Variants in ADAMTS12 observed in about 807,000 individuals in gnomAD.
The protein encoded by ADAMTS12 is ADAM metallopeptidase with thrombospondin type 1 motif 12.
A neutral mutation model predicts 167.8 loss-of-function variants in ADAMTS12; 118 were observed. The ratio of observed to expected loss-of-function variants is 0.70; its 90% CI spans 0.61 to 0.82. The LOEUF (loss-of-function observed/expected upper bound fraction) is 0.82. Among genes scored for constraint, ADAMTS12 ranks in the 40% least tolerant of loss-of-function variants. ADAMTS12 has a pLI of 0.00. For missense variants in ADAMTS12, 1,916 were observed against 1,998.8 expected, an observed-to-expected ratio of 0.96 and a Z score of 0.79; for synonymous variants, 704 against 716.9, an observed-to-expected ratio of 0.98 and a Z score of 0.29.
chr5:33,816,328 T>C (rs895367), intron 2 of ADAMTS12, among the ~76,000 whole-genome samples: 45,374 of 152,094 alleles, frequency 0.3, 6,930 homozygotes, highest in East Asian at 0.53. Context: ...TGATAATATT[T>C]TAAATGTACT....
chr5:33,721,960 C>T (rs1384663984), intron 3 of ADAMTS12, among the ~76,000 whole-genome samples: 1 of 152,198 alleles, frequency 6.6e-6, no homozygotes, highest in Non-Finnish European at 1.5e-5. Context: ...TATAAATAAG[C>T]AGCAGGATCG....
At chr5:33,535,406 T>C (rs915569353) in intron 22 of ADAMTS12, among the ~76,000 whole-genome samples, 1 of 152,100 alleles carries the variant, frequency 6.6e-6, no homozygotes, top group Non-Finnish European at 1.5e-5. Context: ...TCCTTGGGAA[T>C]TTGAATTGAG....
intron 2 of ADAMTS12, among the ~76,000 whole-genome samples, chr5:33,774,776 A>G (rs1309831369): frequency 6.6e-6 from 1 of 152,216 alleles, no homozygotes; most frequent in Middle Eastern, 3.2e-3. Flanking sequence ...CCTGTCTTTC[A>G]TTAACTGTTA....
intron 5 of ADAMTS12, among the ~76,000 whole-genome samples, chr5:33,675,520 A>C (rs545761961): frequency 1.3e-5 from 2 of 152,320 alleles, no homozygotes; most frequent in African/African-American, 4.8e-5. Flanking sequence ...TACTCTCAAA[A>C]TCTTTCTTGC....
chr5:33,627,686 T>C (rs112709209), intron 13 of ADAMTS12, among the ~76,000 whole-genome samples: 2 of 152,146 alleles, frequency 1.3e-5, no homozygotes, highest in African/African-American at 4.8e-5. Context: ...ATAATTTTAA[T>C]TTAGAAATGT....
At chr5:33,685,600 T>C (rs1375488076) in intron 3 of ADAMTS12, among the ~76,000 whole-genome samples, 1 of 152,214 alleles carries the variant, frequency 6.6e-6, no homozygotes, top group African/African-American at 2.4e-5. Flanking sequence ...CTAAATAAAT[T>C]CAAACTCTAG....
In ADAMTS12 at chr5:33,729,870, C is replaced by G. The variant is rs940421930; in HGVS notation, c.634+21534G>C. Among the ~76,000 whole-genome samples the G allele has an allele frequency of 2.6e-5, 4 of 152,196 alleles. 1 individual carries two copies. On this transcript the variant is annotated intron_variant, in intron 3 of 23. Coordinates refer to ENST00000504830, the MANE Select transcript of ADAMTS12 (RefSeq NM_030955.4). The stretch of plus-strand genomic sequence containing the variant: ...GCTTTAGAGCAAGAGGGTTGGAAAT[C>G]AATTTGTGTGTGGATTATGAATCAC...
intron 12 of ADAMTS12, among the ~76,000 whole-genome samples, chr5:33,635,715 T>C (rs927309134): frequency 3.3e-5 from 5 of 152,150 alleles, no homozygotes; most frequent in Non-Finnish European, 5.9e-5. Context: ...AAATGCTGCA[T>C]AAATCCTTGT....
At chr5:33,635,270 C>T (rs1451299166) in intron 12 of ADAMTS12, among the ~76,000 whole-genome samples, 1 of 152,128 alleles carries the variant, frequency 6.6e-6, no homozygotes, top group African/African-American at 2.4e-5. Flanking sequence ...GTTGGGTTTT[C>T]TAGCAGAGCT....
chr5:33,855,865 T>C (rs1404540068), intron 2 of ADAMTS12, among the ~76,000 whole-genome samples: 1 of 152,176 alleles, frequency 6.6e-6, no homozygotes, highest in Non-Finnish European at 1.5e-5. Flanking sequence ...TAGTTGGGAC[T>C]ATAGGCAAGC....
intron 20 of ADAMTS12, among the ~76,000 whole-genome samples, chr5:33,560,676 A>C (rs900665687): frequency 6.6e-6 from 1 of 150,992 alleles, no homozygotes; most frequent in African/African-American, 2.4e-5. Flanking sequence ...CAAGGAAAAA[A>C]ACCAAACACC....
intron 16 of ADAMTS12, among the ~76,000 whole-genome samples, chr5:33,604,981 C>T (rs1011174370): frequency 1.3e-5 from 2 of 152,206 alleles, no homozygotes; most frequent in Non-Finnish European, 2.9e-5. Context: ...TTTGATAGGG[C>T]ACTCTGATAA....
At chr5:33,578,334 G>T (rs978240327) in intron 18 of ADAMTS12, among the ~76,000 whole-genome samples, 1 of 152,156 alleles carries the variant, frequency 6.6e-6, no homozygotes, top group Non-Finnish European at 1.5e-5. Flanking sequence ...CACAAGTGAG[G>T]AGCCTGAGGC....
intron 3 of ADAMTS12, among the ~76,000 whole-genome samples, chr5:33,713,637 C>G (rs1346989080): frequency 6.6e-6 from 1 of 150,426 alleles, no homozygotes; most frequent in Non-Finnish European, 1.5e-5. Context: ...CAGGAGATGA[C>G]AAGAAAAAAA....
intron 23 of ADAMTS12, among the ~76,000 whole-genome samples, chr5:33,530,765 T>C (rs1242969794): frequency 1.1e-4 from 16 of 152,204 alleles, no homozygotes; most frequent in Admixed American, 1.0e-3. Flanking sequence ...TGACCTGCTC[T>C]GTAAATTGAG....
At chr5:33,849,389 A>AAT (rs1308725482) in intron 2 of ADAMTS12, among the ~76,000 whole-genome samples, 2 of 144,464 alleles carry the variant, frequency 1.4e-5, no homozygotes, top group Non-Finnish European at 3.0e-5. Flanking sequence ...ATTGCACAGC[A>AAT]ATATATATAT....
chr5:33,537,134 C>A (rs528371430), intron 22 of ADAMTS12, among the ~76,000 whole-genome samples: 39 of 152,260 alleles, frequency 2.6e-4, no homozygotes, highest in Admixed American at 2.1e-3. Context: ...AAATCTTGCT[C>A]AGAGGAGTGA....
At chr5:33,563,283 T>C (rs1745836557) in intron 19 of ADAMTS12, among the ~76,000 whole-genome samples, 1 of 152,216 alleles carries the variant, frequency 6.6e-6, no homozygotes, top group Admixed American at 6.5e-5. Flanking sequence ...CAAGGGGACT[T>C]TGCAGCTTCT....
At chr5:33,791,207 G>A (rs928439596) in intron 2 of ADAMTS12, among the ~76,000 whole-genome samples, 3 of 152,184 alleles carry the variant, frequency 2.0e-5, no homozygotes, top group African/African-American at 4.8e-5. Context: ...GGTAGTTATT[G>A]AGTTGGATGT....
Sources: gnomAD v4.1 joint callset for allele counts (sites outside exome capture counted in the v4.1 genomes callset) on GRCh38, gnomAD v4.1.1 for gene constraint, MANE v1.5 for transcripts, NCBI Gene and HGNC (gene_info 2026-07-23, HGNC 2026-07-21) for gene names.